DSCAM: variants seen among roughly 807,000 people sequenced by gnomAD.
The protein encoded by DSCAM is DS cell adhesion molecule, also known as cell adhesion molecule DSCAM.
A neutral mutation model predicts 217.7 loss-of-function variants in DSCAM; 47 were observed. The ratio of observed to expected loss-of-function variants is 0.22; its 90% confidence interval spans 0.17 to 0.28. The LOEUF (loss-of-function observed/expected upper bound fraction) is 0.28, where lower values mean the gene tolerates loss of function less well. Among genes scored for constraint, DSCAM ranks in the 10% least tolerant of loss-of-function variants. The pLI, the probability that DSCAM is intolerant of heterozygous loss-of-function variation, is 1.00. For missense variants in DSCAM, 2,080 were observed against 2,618.3 expected (o/e 0.79, Z 4.49); for synonymous variants, 1,056 against 1,015.3 (o/e 1.04, Z -0.76).
At chr21:40,069,147 T>C (rs867294519) in intron 27 of DSCAM, among the ~76,000 whole-genome samples, 11 of 151,904 alleles carry the variant, frequency 7.2e-5, no homozygotes, top group Admixed American at 4.6e-4. Flanking sequence ...GGGCAGTTCA[T>C]ACTCAACCAT....
chr21:40,280,118 T>TC (rs1325579648), intron 10 of DSCAM, among the ~76,000 whole-genome samples: 3 of 150,678 alleles, frequency 2.0e-5, no homozygotes, highest in Non-Finnish European at 2.9e-5. Context: ...TCCCAGAACT[T>TC]AAAGTATAAT....
chr21:40,306,696 ATAATCATGTGTTTTT>A (rs2074080984), intron 9 of DSCAM, among the ~76,000 whole-genome samples: 1 of 152,094 alleles, frequency 6.6e-6, no homozygotes, highest in African/African-American at 2.4e-5. Context: ...ATCTATTGAG[ATAATCATGTGTTTTT>A]TGTCTTTGGT....
At chr21:40,441,694 C>T (rs2075631678) in intron 3 of DSCAM, among the ~76,000 whole-genome samples, 1 of 152,120 alleles carries the variant, frequency 6.6e-6, no homozygotes, top group African/African-American at 2.4e-5. Flanking sequence ...AATTTAAACC[C>T]TTGACCTGCC....
chr21:40,049,643 A>C (rs768434484), intron 30 of DSCAM, among the ~76,000 whole-genome samples: 1 of 152,216 alleles, frequency 6.6e-6, no homozygotes, highest in Non-Finnish European at 1.5e-5. Flanking sequence ...CCATATACGT[A>C]AAGTGAAACC....
chr21:40,420,219 C>A (rs995554549), intron 3 of DSCAM, among the ~76,000 whole-genome samples: 2 of 146,498 alleles, frequency 1.4e-5, no homozygotes, highest in African/African-American at 5.1e-5. Flanking sequence ...ATAAACAATG[C>A]CAATTTTCAT....
At chr21:40,240,341 C>T (rs1204937578) in intron 11 of DSCAM, among the ~76,000 whole-genome samples, 1 of 133,530 alleles carries the variant, frequency 7.5e-6, no homozygotes, top group Non-Finnish European at 1.5e-5. Context: ...GCAGTAGCTT[C>T]CTCACTGGTT....
intron 11 of DSCAM, among the ~76,000 whole-genome samples, chr21:40,265,204 A>G (rs1798038808): frequency 6.6e-6 from 1 of 151,276 alleles, no homozygotes; most frequent in African/African-American, 2.4e-5. Flanking sequence ...TCAAAAAAAA[A>G]AGAAAAAAAA....
chr21:40,299,702 T>C (rs754337415), intron 9 of DSCAM, among the ~76,000 whole-genome samples: 1 of 152,066 alleles, frequency 6.6e-6, no homozygotes, highest in Non-Finnish European at 1.5e-5. Context: ...GGACCCAGTG[T>C]TTAACATGTA....
At chr21:40,140,735 T>C (rs1036856660) in intron 18 of DSCAM, among the ~76,000 whole-genome samples, 1 of 152,154 alleles carries the variant, frequency 6.6e-6, no homozygotes, top group Non-Finnish European at 1.5e-5. Flanking sequence ...GGGGTGAAGG[T>C]GTTACAGAAT....
intron 9 of DSCAM, among the ~76,000 whole-genome samples, chr21:40,310,151 C>T (rs747627186): frequency 2.6e-5 from 4 of 152,180 alleles, no homozygotes; most frequent in Non-Finnish European, 4.4e-5. Flanking sequence ...TTAGACCTCC[C>T]TATGCAATCT....
At chr21:40,810,584 G>A (rs1041669188) in intron 1 of DSCAM, among the ~76,000 whole-genome samples, 12 of 152,212 alleles carry the variant, frequency 7.9e-5, no homozygotes, top group Non-Finnish European at 1.2e-4. Context: ...CAGTTTTCTC[G>A]CTTGTCCAGC....
At chr21:40,458,525 G>T (rs1283587735) in intron 3 of DSCAM, among the ~76,000 whole-genome samples, 1 of 151,714 alleles carries the variant, frequency 6.6e-6, no homozygotes, top group African/African-American at 2.4e-5. Flanking sequence ...CTAGAAAAAA[G>T]CCAATAAAAT....
At chr21:40,115,948 A>G (rs1476218789) in intron 20 of DSCAM, among the ~76,000 whole-genome samples, 1 of 152,270 alleles carries the variant, frequency 6.6e-6, no homozygotes, top group Non-Finnish European at 1.5e-5. Flanking sequence ...TGTGATAAAT[A>G]TACACCATAG....
At chr21:40,094,534 C>T (rs918917228) in intron 20 of DSCAM, among the ~76,000 whole-genome samples, 2 of 152,088 alleles carry the variant, frequency 1.3e-5, no homozygotes, top group Admixed American at 6.5e-5. Flanking sequence ...TCCATGGATG[C>T]ATGTGAGGAA....
At chr21:40,510,990 G>A (rs933781926) in intron 3 of DSCAM, among the ~76,000 whole-genome samples, 2 of 152,180 alleles carry the variant, frequency 1.3e-5, no homozygotes, top group Non-Finnish European at 2.9e-5. Flanking sequence ...AGAAAATCAT[G>A]TCATGTTTCT....
chr21:40,644,017 G>A (rs549819788), intron 3 of DSCAM, among the ~76,000 whole-genome samples: 3 of 152,276 alleles, frequency 2.0e-5, no homozygotes, highest in East Asian at 3.9e-4. Flanking sequence ...TAAAAACCAT[G>A]GCAGATCTTG....
intron 3 of DSCAM, among the ~76,000 whole-genome samples, chr21:40,514,362 C>A (rs1601705962): frequency 1.3e-5 from 2 of 152,226 alleles, no homozygotes; most frequent in Admixed American, 1.3e-4. Flanking sequence ...AATTGGACTA[C>A]ATCACCCTTT....
chr21:40,214,471 C>T (rs2091220351), intron 11 of DSCAM, among the ~76,000 whole-genome samples: 1 of 152,104 alleles, frequency 6.6e-6, no homozygotes, highest in African/African-American at 2.4e-5. Flanking sequence ...GTTAGCATTC[C>T]TTTTCCACTT....
chr21:40,279,805 T>C (rs571746741), intron 10 of DSCAM, among the ~76,000 whole-genome samples: 60 of 151,996 alleles, frequency 3.9e-4, no homozygotes, highest in African/African-American at 1.0e-3. Flanking sequence ...ATAAAATAGA[T>C]GAAACTGGAA....
Sources: gnomAD v4.1 joint callset for allele counts (sites outside exome capture counted in the v4.1 genomes callset) on GRCh38, gnomAD v4.1.1 for gene constraint, MANE v1.5 for transcripts, NCBI Gene and HGNC (gene_info 2026-07-23, HGNC 2026-07-21) for gene names.